The following MYBL2 variants were observed in gnomAD, a reference collection of about 807,000 sequenced individuals.
MYBL2 encodes the protein myb-related protein B.
A neutral mutation model predicts 79.9 loss-of-function variants in MYBL2; 28 were observed. The observed-to-expected ratio is 0.35, with a 90% CI of 0.26 to 0.48. The LOEUF (loss-of-function observed/expected upper bound fraction) is 0.48, where lower values mean the gene tolerates loss of function less well. MYBL2 is among the 20% of genes least tolerant of loss of function. The pLI is 0.99. For synonymous variants in MYBL2, 378 were observed against 361.2 expected (o/e 1.05, Z -0.53); for missense variants, 735 against 893.9 (o/e 0.82, Z 2.27).
In MYBL2 at chr20:43,699,984, T is replaced by C; in HGVS notation, c.891T>C (p.Ala297=). 4 of 1,614,134 alleles carry C rather than the reference T, an allele frequency of 2.5e-6. No individual in the cohort carries two copies. In the South Asian group the frequency reaches 3.3e-5, roughly 13 times the overall value. The change falls in exon 7 of 14, where the codon GCT becomes GCC. Residue 297 remains alanine, a synonymous_variant. Coordinates refer to ENST00000217026, the MANE Select transcript of MYBL2 (RefSeq NM_002466.4). ...SLPYKWVVEA[A]NLLIPAVGSS... ...CTTACAAGTGGGTGGTGGAGGCAGC[T>C]AACCTCCTCATCCCTGCTGTGGGTT... is the stretch of plus-strand genomic sequence containing the variant.
chr20:43,706,147 C>T (rs1241866317), intron 9 of MYBL2, among the ~76,000 whole-genome samples: 5 of 152,200 alleles, frequency 3.3e-5, no homozygotes, highest in Non-Finnish European at 7.3e-5. Flanking sequence ...AATTTTCTGT[C>T]TCAGGAATGG....
At chr20:43,673,215 G>T (rs1418440822) in intron 1 of MYBL2, among the ~76,000 whole-genome samples, 1 of 148,538 alleles carries the variant, frequency 6.7e-6, no homozygotes, top group Non-Finnish European at 1.5e-5. Context: ...AAAGTGCTGG[G>T]ATTACAGGTT....
chr20:43,694,888 G>A (rs1193407472), intron 6 of MYBL2, among the ~76,000 whole-genome samples: 3 of 152,186 alleles, frequency 2.0e-5, no homozygotes, highest in African/African-American at 7.2e-5. Flanking sequence ...AGGACAGAGT[G>A]AACAGATCTC....
At chr20:43,681,636 C>A (rs866970625) in intron 2 of MYBL2, 148 bp from the exon 3 acceptor site, 1 of 756,846 alleles carries the variant, frequency 1.3e-6, no homozygotes, top group Non-Finnish European at 2.2e-6. Context: ...CCTGCTGCTG[C>A]AGCTGTAGTG....
intron 5 of MYBL2, among the ~76,000 whole-genome samples, chr20:43,689,858 G>A (rs575353403): frequency 6.6e-6 from 1 of 152,302 alleles, no homozygotes; most frequent in South Asian, 2.1e-4. Flanking sequence ...TATAGCTTGG[G>A]GCACCCCAGA....
At chr20:43,670,888 C>T (rs185781116) in intron 1 of MYBL2, among the ~76,000 whole-genome samples, 43 of 151,946 alleles carry the variant, frequency 2.8e-4, no homozygotes, top group African/African-American at 9.9e-4. Flanking sequence ...CAGGTCCTGT[C>T]GGGTGGAGTT....
intron 1 of MYBL2, among the ~76,000 whole-genome samples, chr20:43,671,159 A>AT (rs3091902): frequency 6.9e-6 from 1 of 144,360 alleles, no homozygotes; most frequent in Non-Finnish European, 1.5e-5. Context: ...TTATTTATTT[A>AT]TTTTTTTTGA....
At chr20:43,685,422 C>G (rs1987249848) in intron 4 of MYBL2, among the ~76,000 whole-genome samples, 1 of 151,710 alleles carries the variant, frequency 6.6e-6, no homozygotes, top group Non-Finnish European at 1.5e-5. Flanking sequence ...CTCAGGTGAT[C>G]CACCTGCCTC....
At chr20:43,694,262 G>T (rs968725512) in intron 6 of MYBL2, among the ~76,000 whole-genome samples, 16 of 152,160 alleles carry the variant, frequency 1.1e-4, no homozygotes, top group Admixed American at 9.8e-4. Flanking sequence ...AACCCGGGAG[G>T]CAGAGCTTGC....
Position 43,715,978 on chromosome 20 carries a change from C to T in MYBL2, c.1994C>T (p.Thr665Met), listed in dbSNP as rs891620069. The T allele has an allele frequency of 5.6e-6, 9 of 1,611,890 alleles. No homozygotes were observed. Among genetic ancestry groups the T allele is most frequent in the Middle Eastern group, 1.7e-4 (1 of 6,050 alleles). ...TCCCAGATGTCCAGTGCCTGGAAGA[C>T]GGTGGCCTGCGGGGGGACCAGGGAC... ...TPAPMSSAWKTVACGGTRDQL... is the reference protein window; with the variant it reads ...TPAPMSSAWKMVACGGTRDQL... Residue 665 changes from threonine to methionine, a missense_variant, in exon 14 of 14, where the codon ACG becomes ATG. Around this residue, in one of 5 missense-constraint regions of MYBL2, gnomAD observed 204 missense variants for 202.9 expected, o/e 1.01. Coordinates refer to ENST00000217026, the MANE Select transcript of MYBL2 (RefSeq NM_002466.4).
Position 43,698,653 on chromosome 20 carries a change from C to T in MYBL2, c.664-1104C>T, listed in dbSNP as rs978027060. On this transcript the variant is annotated intron_variant, in intron 6 of 13. Transcript: ENST00000217026. ...TCGGCCTCCCAATGTGCTGGGATTA[C>T]AGGCGTGATTTTTTTTTTTTTTTTT... Among the ~76,000 whole-genome samples the T allele has an allele frequency of 7.4e-5, 11 of 147,920 alleles. No individual in the cohort carries two copies. The East Asian group carries it at 1.8e-3, about 24-fold the overall frequency.
In MYBL2 at chr20:43,716,329, A is replaced by C; in HGVS notation, c.*242A>C. On this transcript the variant is annotated 3_prime_UTR_variant, in exon 14 of 14. Coordinates refer to ENST00000217026, the MANE Select transcript of MYBL2 (RefSeq NM_002466.4). ...TCCAGGTCTGCCTGGTTCCCTCCCC[A>C]AGGCCACAGGGAGCTCCGTCAGCTT... The C allele has an allele frequency of 1.8e-6, 1 of 543,010 alleles. No individual in the cohort carries two copies. The highest frequency in any genetic ancestry group is 3.1e-6 in the Non-Finnish European group (1 of 318,926). The allele number at this position is 543,010 out of a possible 1,614,324, so 33.6% of individuals were successfully genotyped here. A position where few individuals can be genotyped will look rare whatever the true frequency, so the allele number is the denominator to read the frequency against.
intron 5 of MYBL2, among the ~76,000 whole-genome samples, chr20:43,689,150 C>A (rs1206005798): frequency 2.6e-5 from 4 of 152,198 alleles, no homozygotes; most frequent in Non-Finnish European, 4.4e-5. Flanking sequence ...AAATCTCTTA[C>A]TAGTGGCTGT....
At chr20:43,703,391 G>A (rs928368115) in intron 8 of MYBL2, among the ~76,000 whole-genome samples, 1 of 152,326 alleles carries the variant, frequency 6.6e-6, no homozygotes, top group Non-Finnish European at 1.5e-5. Flanking sequence ...TAGCAATTGC[G>A]AAGTCACTGA....
Position 43,707,982 on chromosome 20 carries a change from TTC to T in MYBL2, c.1506-1979_1506-1978del, listed in dbSNP as rs201702889. 7.9e-3 allele frequency among the ~76,000 whole-genome samples: 1,203 copies of T among 152,338 alleles called. 22 individuals carry two copies. Among genetic ancestry groups the T allele is most frequent in the African/African-American group, 0.027 (1,122 of 41,572 alleles). On this transcript the variant is annotated intron_variant, in intron 9 of 13. Coordinates refer to ENST00000217026, the MANE Select transcript of MYBL2 (RefSeq NM_002466.4). ...CTTCGGAGAACATGATGGGATTGTT[TTC>T]TGATTCACCAGTTTGGTTGTCTGTG... is the stretch of plus-strand genomic sequence containing the variant.
At chr20:43,706,810 G>A (rs570561198) in intron 9 of MYBL2, among the ~76,000 whole-genome samples, 2 of 141,968 alleles carry the variant, frequency 1.4e-5, no homozygotes, top group Admixed American at 1.5e-4. Context: ...CCGCCTCCCG[G>A]GTTCAAGCAG....
rs763947994 is a variant in MYBL2 at position 43,716,068 on chromosome 20, G to C, written c.2084G>C (p.Arg695Pro). The change falls in exon 14 of 14, where the codon CGG (arginine) becomes CCG (proline). Residue 695 changes from arginine to proline, a missense_variant. This residue lies in a region of MYBL2 where 204 missense variants were observed against 202.9 expected (regional missense o/e 1.01). Coordinates refer to ENST00000217026, the MANE Select transcript of MYBL2 (RefSeq NM_002466.4). Reference sequence around the variant, plus strand: ...CGCCTGAAGCCCAGCCACACATCTCGGACCCTCATCTTGTCCTGAGGTGTT... The same window carrying C: ...CGCCTGAAGCCCAGCCACACATCTCCGACCCTCATCTTGTCCTGAGGTGTT... ...LGRLKPSHTS[R>P]TLILS is the part of the protein sequence containing the mutation. 1 of 1,608,450 alleles carries C rather than the reference G, an allele frequency of 6.2e-7. No individual in the cohort carries two copies. Among genetic ancestry groups the C allele is most frequent in the African/African-American group, 1.3e-5 (1 of 74,846 alleles).
At chr20:43,711,639 A>T in intron 11 of MYBL2, 38 bp downstream of exon 11, 2 of 1,566,948 alleles carry the variant, frequency 1.3e-6, no homozygotes, top group Non-Finnish European at 1.7e-6. Context: ...GGGCAGGGGG[A>T]ATTGGAGCCG....
chr20:43,708,973 A>G (rs1987846825), intron 9 of MYBL2, among the ~76,000 whole-genome samples: 1 of 152,152 alleles, frequency 6.6e-6, no homozygotes, highest in African/African-American at 2.4e-5. Flanking sequence ...TTGGGAAGAG[A>G]CTGTGGATCC....
Sources: gnomAD v4.1 joint callset for allele counts (sites outside exome capture counted in the v4.1 genomes callset) on GRCh38, gnomAD v4.1.1 for gene constraint, gnomAD v4.1.1 regional missense constraint, MANE v1.5 for transcripts, NCBI Gene and HGNC (gene_info 2026-07-23, HGNC 2026-07-21) for gene names.